Variants in VWA3A observed in about 807,000 individuals in gnomAD.
VWA3A encodes the protein von Willebrand factor A domain containing 3A, also known as von Willebrand factor A domain-containing protein 3A.
A neutral mutation model predicts 160.4 loss-of-function variants in VWA3A; 134 were observed. The observed-to-expected ratio is 0.84, with a 90% CI of 0.73 to 0.96. The LOEUF is 0.96. VWA3A is among the 40% of genes least tolerant of loss of function. The pLI, the probability that VWA3A is intolerant of heterozygous loss-of-function variation, is 0.00. For synonymous variants in VWA3A, 476 were observed against 543.4 expected (o/e 0.88, Z 1.72); for missense variants, 1,310 against 1,447.9 (o/e 0.90, Z 1.55).
chr16:22,127,945 G>A (rs563920842), intron 17 of VWA3A, among the ~76,000 whole-genome samples: 7 of 152,322 alleles, frequency 4.6e-5, no homozygotes, highest in Non-Finnish European at 1.0e-4. Context: ...CATGGAGCAA[G>A]TGCCCCTTTT....
At chr16:22,124,327 G>A (rs910970733) in intron 16 of VWA3A, among the ~76,000 whole-genome samples, 3 of 151,518 alleles carry the variant, frequency 2.0e-5, no homozygotes, top group African/African-American at 7.3e-5. Flanking sequence ...GGAGCTTGGA[G>A]TAGGCTCAGC....
chr16:22,135,715 GCTGTT>G (rs2141974822), intron 21 of VWA3A, among the ~76,000 whole-genome samples: 1 of 152,286 alleles, frequency 6.6e-6, no homozygotes, highest in African/African-American at 2.4e-5. Context: ...CTTTGCACCT[GCTGTT>G]TCCTCTGTCC....
At chr16:22,102,887 G>C (rs1399315525) in intron 5 of VWA3A, among the ~76,000 whole-genome samples, 1 of 152,150 alleles carries the variant, frequency 6.6e-6, no homozygotes, top group Non-Finnish European at 1.5e-5. Context: ...AGGAGACGAG[G>C]TTACATGAGC....
chr16:22,095,125 G>A (rs547607128), intron 1 of VWA3A, among the ~76,000 whole-genome samples: 2 of 152,246 alleles, frequency 1.3e-5, no homozygotes, highest in East Asian at 1.9e-4. Context: ...TCTAATGAAT[G>A]TATCGTTCCA....
At position 22,131,618 on chromosome 16, in the gene VWA3A, G is replaced by C. The variant is rs1290993691; in HGVS notation, c.1761G>C (p.Arg587Ser). 6.2e-7 allele frequency: 1 copy of C among 1,613,858 alleles called. No homozygotes were observed. The highest frequency in any genetic ancestry group is 2.2e-5 in the East Asian group (1 of 44,886). The change falls in exon 19 of 34, where the codon AGG becomes AGC. Residue 587 changes from arginine (R) to serine (S), a missense_variant. Transcript: ENST00000389398. ...TGAACCTGCGGTGTCGGGGCAGCAG[G>C]AACGTTCTCAGCGCCCTGCGGAAGG... ...WALNLRCRGS[R>S]NVLSALRKAV... is the part of the protein sequence containing the mutation.
intron 8 of VWA3A, among the ~76,000 whole-genome samples, chr16:22,114,553 T>A (rs2045603668): frequency 6.6e-6 from 1 of 152,180 alleles, no homozygotes; most frequent in Non-Finnish European, 1.5e-5. Flanking sequence ...TTGCTTACAG[T>A]ATCACCCTGG....
Position 22,142,724 on chromosome 16 carries a change from A to G in VWA3A, c.2551A>G (p.Ile851Val), listed in dbSNP as rs368276446. The change falls in exon 25 of 34, where the codon ATT becomes GTT. Residue 851 changes from isoleucine to valine, a missense_variant. Coordinates refer to ENST00000389398, the MANE Select transcript of VWA3A (RefSeq NM_173615.5). ...GRGLRRTSSS[I>V]DLPRKDTVCS... ...GGGCTTGAGAAGGACTAGCTCTTCT[A>G]TTGACTTACCCAGAAAGGATACAGT... 2.5e-6 allele frequency: 4 copies of G among 1,576,080 alleles called. No individual in the cohort carries two copies. Among genetic ancestry groups the G allele is most frequent in the Non-Finnish European group, 3.4e-6 (4 of 1,159,976 alleles).
chr16:22,101,978 C>T (rs2045413876), intron 5 of VWA3A, among the ~76,000 whole-genome samples: 1 of 152,122 alleles, frequency 6.6e-6, no homozygotes, highest in African/African-American at 2.4e-5. Context: ...AACTGGGGCT[C>T]AGAAAGGTTA....
In VWA3A at chr16:22,149,933, C is replaced by A. The variant is rs776637205; in HGVS notation, c.3129+2C>A. Reference sequence around the variant, plus strand: ...ACCTCCATCTTGCAAGCATTGCTGGCAAGTCCCACCACGGAGCCCGACCTT... The same window carrying A: ...ACCTCCATCTTGCAAGCATTGCTGGAAAGTCCCACCACGGAGCCCGACCTT... On this transcript the variant is annotated splice_donor_variant, in intron 29 of 33. Coordinates refer to ENST00000389398, the MANE Select transcript of VWA3A (RefSeq NM_173615.5). LOFTEE classifies it high-confidence loss of function. The A allele has an allele frequency of 6.2e-7, 1 of 1,602,618 alleles. No homozygotes were observed. The highest frequency in any genetic ancestry group is 8.5e-7 in the Non-Finnish European group (1 of 1,172,752).
At position 22,136,893 on chromosome 16, in the gene VWA3A, A is replaced by G. The variant is rs11865541; in HGVS notation, c.2140-1467A>G. ...TAAAAATACACACACACACACACAC[A>G]CGCACACACACACACACACACACAC... On this transcript the variant is annotated intron_variant, in intron 21 of 33. Transcript: ENST00000389398. Among the ~76,000 whole-genome samples the G allele has an allele frequency of 2.6e-3, 255 of 98,606 alleles. 2 individuals carry two copies. Among genetic ancestry groups the G allele is most frequent in the East Asian group, 0.012 (49 of 4,192 alleles). 64.7% of individuals were successfully genotyped at this position (98,606 alleles called of 152,430 possible). A position where few individuals can be genotyped will look rare whatever the true frequency, so the allele number is the denominator to read the frequency against.
rs966659589 is a variant in VWA3A at position 22,120,014 on chromosome 16, A to C, written c.1117-954A>C. 6.6e-5 allele frequency among the ~76,000 whole-genome samples: 9 copies of C among 136,236 alleles called. No individual in the cohort carries two copies. In the East Asian group the frequency reaches 1.0e-3, roughly 16 times the overall value. The allele number at this position is 136,236 out of a possible 152,430, so 89.4% of individuals were successfully genotyped here. ...TCTTGGGTAACAGAACAAGACTCCCAAAAAAAAAAAAAAATTATAATAGTT... is the reference window on the plus strand; with the variant it reads ...TCTTGGGTAACAGAACAAGACTCCCCAAAAAAAAAAAAAATTATAATAGTT... On this transcript the variant is annotated intron_variant, in intron 12 of 33. Coordinates refer to ENST00000389398, the MANE Select transcript of VWA3A (RefSeq NM_173615.5).
intron 19 of VWA3A, among the ~76,000 whole-genome samples, 163 bp downstream of exon 19, chr16:22,131,892 C>G (rs2045955874): frequency 6.6e-6 from 1 of 152,170 alleles, no homozygotes. Context: ...AATGCAGGCC[C>G]TGGAGACCAG....
rs1006849423 is a variant in VWA3A, at chr16:22,096,869, A to G, written c.25A>G (p.Ile9Val). 6 of 1,546,050 alleles carry G rather than the reference A, an allele frequency of 3.9e-6. No individual in the cohort carries two copies. In the African/African-American group the frequency reaches 6.9e-5, roughly 18 times the overall value. MKKYRKIS[I>V]GCFAMATQTS... ...TCTTTTCTTCTTTAGGAAAATAAGC[A>G]TTGGGTGTTTTGCAATGGCTACACA... Residue 9 changes from isoleucine to valine, a missense_variant, in exon 2 of 34, where the codon ATT (isoleucine) becomes GTT (valine). Physicochemically the swap from Ile to Val is conservative, Grantham distance 29 (BLOSUM62 3). Transcript: ENST00000389398.
intron 1 of VWA3A, among the ~76,000 whole-genome samples, chr16:22,095,932 A>G (rs1370567076): frequency 1.3e-5 from 2 of 152,110 alleles, no homozygotes. Context: ...TATTTTATTT[A>G]GTTTTTTAAT....
intron 28 of VWA3A, among the ~76,000 whole-genome samples, chr16:22,149,465 G>A (rs1460684303): frequency 1.3e-5 from 2 of 152,248 alleles, no homozygotes; most frequent in Middle Eastern, 3.4e-3. Context: ...GGCTGGTCTT[G>A]AACTCCTGGC....
chr16:22,140,474 G>A (rs893497683), intron 23 of VWA3A, among the ~76,000 whole-genome samples: 1 of 152,132 alleles, frequency 6.6e-6, no homozygotes, highest in Admixed American at 6.6e-5. Context: ...ATGTGGTGGT[G>A]CATGCCTGAA....
chr16:22,113,388 T>A (rs1376559804), intron 8 of VWA3A, among the ~76,000 whole-genome samples: 1 of 123,920 alleles, frequency 8.1e-6, no homozygotes, highest in Non-Finnish European at 1.6e-5. Flanking sequence ...TTTTTTTTTT[T>A]TTTTTTTTGT....
chr16:22,124,325 G>A (rs2141926513), intron 16 of VWA3A, among the ~76,000 whole-genome samples: 2 of 151,578 alleles, frequency 1.3e-5, no homozygotes, highest in South Asian at 4.2e-4. Context: ...CTGGAGCTTG[G>A]AGTAGGCTCA....
intron 8 of VWA3A, among the ~76,000 whole-genome samples, chr16:22,113,471 C>T (rs548477473): frequency 6.7e-6 from 1 of 149,188 alleles, no homozygotes; most frequent in South Asian, 2.1e-4. Context: ...GTGATCCGCC[C>T]TCCTTGGCCT....
Sources: gnomAD v4.1 joint callset for allele counts (sites outside exome capture counted in the v4.1 genomes callset) on GRCh38, gnomAD v4.1.1 for gene constraint, MANE v1.5 for transcripts, NCBI Gene and HGNC (gene_info 2026-07-23, HGNC 2026-07-21) for gene names.